Variants in AATF observed in about 807,000 individuals in gnomAD.
AATF encodes the protein protein AATF.
In AATF, 48 loss-of-function variants were observed where a neutral mutation model predicts 63.7. The ratio of observed to expected loss-of-function variants is 0.75; its 90% CI spans 0.60 to 0.96. The LOEUF is 0.96. AATF is among the 40% of genes least tolerant of loss of function. The probability of loss-of-function intolerance (pLI) is 0.00; values close to 1 mark genes in which losing one functional copy is unlikely to be tolerated. For missense variants in AATF, 639 were observed against 685.7 expected, an observed-to-expected ratio of 0.93 and a Z score of 0.76; for synonymous variants, 258 against 247.7, an observed-to-expected ratio of 1.04 and a Z score of -0.39.
chr17:36,969,255 G>T (rs536127716), intron 4 of AATF, among the ~76,000 whole-genome samples: 7 of 152,258 alleles, frequency 4.6e-5, no homozygotes, highest in African/African-American at 1.7e-4. Context: ...CCAGTTTCCT[G>T]CCTGGTGGCC....
rs145901365 is a variant in AATF, at chr17:36,973,944, G to A, written c.833-12673G>A. Among the ~76,000 whole-genome samples the A allele has an allele frequency of 1.0e-3, 159 of 152,086 alleles. 2 individuals are homozygous for A. Among genetic ancestry groups the A allele is most frequent in the South Asian group, 8.3e-4 (4 of 4,822 alleles). On this transcript the variant is annotated intron_variant, in intron 4 of 11. Transcript: ENST00000619387. ...AAATTAGCTGGGCGTGGTGGCATAC[G>A]CCTGTAATCCCTGCCTCGGGAGGCT...
rs1477392605 is a variant in AATF, at chr17:36,986,503, C to T, written c.833-114C>T. 16 of 764,576 alleles carry T rather than the reference C, an allele frequency of 2.1e-5. No individual in the cohort carries two copies. In the Admixed American group the frequency reaches 3.4e-4, roughly 16 times the overall value. 47.4% of individuals were successfully genotyped at this position (764,576 alleles called of 1,614,324 possible). ...ATTTAGTTCCTGTGTGTATCCTGTG[C>T]CTCCCCTTCACTCCCCACAGCCAGA... On this transcript the variant is annotated intron_variant, in intron 4 of 11. Coordinates refer to ENST00000619387, the MANE Select transcript of AATF (RefSeq NM_012138.4).
chr17:37,037,152 G>A (rs2071599955), intron 11 of AATF, among the ~76,000 whole-genome samples: 1 of 151,910 alleles, frequency 6.6e-6, no homozygotes, highest in South Asian at 2.1e-4. Context: ...GGGACTGCAG[G>A]CGCCCACCAC....
chr17:36,967,984 G>C (rs2142220668), intron 4 of AATF, among the ~76,000 whole-genome samples: 1 of 151,054 alleles, frequency 6.6e-6, no homozygotes, highest in Admixed American at 6.6e-5. Context: ...GCACTTGGAG[G>C]GCCTTTTCAA....
chr17:37,028,278 C>T (rs2071525491), intron 10 of AATF, among the ~76,000 whole-genome samples: 1 of 151,946 alleles, frequency 6.6e-6, no homozygotes, highest in Non-Finnish European at 1.5e-5. Flanking sequence ...ATTAGCCAGG[C>T]ATGGTGGCGC....
chr17:36,996,256 A>T (rs959599863), intron 8 of AATF, among the ~76,000 whole-genome samples: 16 of 151,740 alleles, frequency 1.1e-4, no homozygotes, highest in Non-Finnish European at 2.1e-4. Flanking sequence ...ACATGGCGAA[A>T]CTCCGTCTCT....
chr17:36,983,331 CCACAT>C (rs1162598451), intron 4 of AATF, among the ~76,000 whole-genome samples: 1 of 152,032 alleles, frequency 6.6e-6, no homozygotes, highest in Non-Finnish European at 1.5e-5. Flanking sequence ...GTGTGAGCCA[CCACAT>C]CAGGCCTTAG....
At chr17:36,986,377 A>G (rs1376083415) in intron 4 of AATF, among the ~76,000 whole-genome samples, 1 of 152,176 alleles carries the variant, frequency 6.6e-6, no homozygotes, top group African/African-American at 2.4e-5. Flanking sequence ...CTTTGCAGAC[A>G]CTTTTCTAAG....
At chr17:37,030,718 C>T (rs2071545652) in intron 10 of AATF, among the ~76,000 whole-genome samples, 1 of 152,016 alleles carries the variant, frequency 6.6e-6, no homozygotes, top group Non-Finnish European at 1.5e-5. Context: ...AATGAAAGAC[C>T]CCCTGGATCT....
intron 8 of AATF, among the ~76,000 whole-genome samples, chr17:37,010,943 C>G (rs2071385900): frequency 6.6e-6 from 1 of 152,158 alleles, no homozygotes; most frequent in Admixed American, 6.5e-5. Context: ...GACACATTTG[C>G]TTTTTGAAAA....
chr17:36,949,452 A>G (rs2070835574), intron 1 of AATF, among the ~76,000 whole-genome samples: 1 of 152,270 alleles, frequency 6.6e-6, no homozygotes. Flanking sequence ...TCGAGGGCTC[A>G]GGCCGAGAGG....
chr17:36,994,648 T>C (rs1310552934), intron 8 of AATF, among the ~76,000 whole-genome samples: 13 of 152,254 alleles, frequency 8.5e-5, no homozygotes, highest in Admixed American at 7.9e-4. Context: ...CCACGAAGGA[T>C]GAGCCATTCA....
chr17:36,953,017 A>T lies in AATF; in HGVS notation c.415A>T (p.Ser139Cys). The T allele has an allele frequency of 6.2e-7, 1 of 1,614,172 alleles. No homozygotes were observed. The highest frequency in any genetic ancestry group is 8.5e-7 in the Non-Finnish European group (1 of 1,180,034). ...ECGDHRESKK[S>C]RSHSAKTPGF... is the part of the protein sequence containing the mutation. ...TGGTGATCACAGGGAGAGCAAGAAG[A>T]GCAGAAGCCACTCTGCAAAAACACC... is the stretch of plus-strand genomic sequence containing the variant. Residue 139 changes from serine to cysteine, a missense_variant, in exon 3 of 12, where the codon AGC becomes TGC. Physicochemically the swap from Ser to Cys is moderately radical, Grantham distance 112. Transcript: ENST00000619387.
rs756486597 is a variant in AATF, at chr17:36,950,230, G to A, written c.108G>A (p.Val36=). 1 of 1,613,964 alleles carries A rather than the reference G, an allele frequency of 6.2e-7. No individual in the cohort carries two copies. The highest frequency in any genetic ancestry group is 8.5e-7 in the Non-Finnish European group (1 of 1,179,832). ...CCCCGACAGCCACTGCTGCCAGGGT[G>A]ATTGACAGGTTTGATGAAGGGGAAG... ...ADPEEATAAR[V]IDRFDEGEDG... Residue 36 remains valine, a synonymous_variant, in exon 2 of 12, where the codon GTG becomes GTA. Coordinates refer to ENST00000619387, the MANE Select transcript of AATF (RefSeq NM_012138.4).
At chr17:36,951,585 C>T (rs8072637) in intron 2 of AATF, among the ~76,000 whole-genome samples, 3 of 152,046 alleles carry the variant, frequency 2.0e-5, no homozygotes, top group African/African-American at 7.2e-5. Context: ...ATAAGGAAAT[C>T]GAGGGGCAAA....
At chr17:37,030,438 T>C (rs2071543796) in intron 10 of AATF, among the ~76,000 whole-genome samples, 1 of 152,298 alleles carries the variant, frequency 6.6e-6, no homozygotes, top group East Asian at 1.9e-4. Flanking sequence ...GTAGAGTTTT[T>C]TGGGTTAGAA....
chr17:37,056,669 G>T lies in AATF; in HGVS notation c.*5G>T. ...GACGAAGGCCACGGGGATTGACATC[G>T]CCCACCTCCGACACCCAGTGGGCGC... On this transcript the variant is annotated 3_prime_UTR_variant, in exon 12 of 12. Transcript: ENST00000619387. 6.2e-7 allele frequency: 1 copy of T among 1,614,106 alleles called. No homozygotes were observed. The highest frequency in any genetic ancestry group is 1.1e-5 in the South Asian group (1 of 91,076).
chr17:37,052,060 C>A (rs1278706486), intron 11 of AATF, among the ~76,000 whole-genome samples: 1 of 152,136 alleles, frequency 6.6e-6, no homozygotes, highest in Non-Finnish European at 1.5e-5. Context: ...CTGCATGATA[C>A]CAGCATGAAC....
chr17:36,998,990 C>G (rs2071274882), intron 8 of AATF: 1 of 152,212 alleles, frequency 6.6e-6, no homozygotes, highest in Non-Finnish European at 1.5e-5. Context: ...TGGTTTACCC[C>G]TCAACATACA....
Sources: gnomAD v4.1 joint callset for allele counts (sites outside exome capture counted in the v4.1 genomes callset) on GRCh38, gnomAD v4.1.1 for gene constraint, MANE v1.5 for transcripts, NCBI Gene and HGNC (gene_info 2026-07-23, HGNC 2026-07-21) for gene names.